The following PCDHGA5 variants were observed in gnomAD, a reference collection of about 807,000 sequenced individuals.
PCDHGA5 encodes protocadherin gamma subfamily A, 5, also known as protocadherin gamma-A5.
In PCDHGA5, 36 loss-of-function variants were observed where a neutral mutation model predicts 56.7. The ratio of observed to expected loss-of-function variants is 0.64; its 90% CI spans 0.49 to 0.84. PCDHGA5 has a LOEUF of 0.84. Among genes scored for constraint, PCDHGA5 ranks in the 40% least tolerant of loss-of-function variants. PCDHGA5 has a pLI of 0.00. For missense variants in PCDHGA5, 1,305 were observed against 1,201.5 expected (o/e 1.09, Z -1.27); for synonymous variants, 563 against 520.2 (o/e 1.08, Z -1.12).
intron 1 of PCDHGA5, chr5:141,429,216 T>A (rs1590916921): frequency 6.8e-6 from 1 of 146,786 alleles, no homozygotes; most frequent in Admixed American, 6.7e-5. Context: ...GTGTGAAAAG[T>A]GGGTATTATG....
At position 141,432,232 on chromosome 5, in the gene PCDHGA5, G is replaced by A. The variant is rs766929605; in HGVS notation, c.2422-62575G>A. Reference sequence around the variant, plus strand: ...AGAACGCCCAGATCACTTATTCCCTGGCTGAGAACACCATCCAAGGGGCAA... The same window carrying A: ...AGAACGCCCAGATCACTTATTCCCTAGCTGAGAACACCATCCAAGGGGCAA... On this transcript the variant is annotated intron_variant, in intron 1 of 3. Coordinates refer to ENST00000518069, the MANE Select transcript of PCDHGA5 (RefSeq NM_018918.3). The surrounding 1 kb of genome is among the most constrained non-coding windows in gnomAD (Gnocchi z 6.0). The A allele has an allele frequency of 6.2e-7, 1 of 1,614,188 alleles. No homozygotes were observed. The highest frequency in any genetic ancestry group is 1.6e-4 in the Middle Eastern group (1 of 6,062).
At chr5:141,392,852 G>A in intron 1 of PCDHGA5, 3 of 1,611,984 alleles carry the variant, frequency 1.9e-6, no homozygotes, top group Non-Finnish European at 2.5e-6. Context: ...GCGGCGAGCT[G>A]ATCCTGCTGT....
intron 1 of PCDHGA5, chr5:141,427,865 G>T: frequency 6.4e-7 from 1 of 1,558,148 alleles, no homozygotes; most frequent in Non-Finnish European, 8.8e-7. Context: ...GCGCCTTCGA[G>T]CTCACGATGC....
At chr5:141,466,515 TTTTCCTCCCAAATTGA>T (rs2099124043) in intron 1 of PCDHGA5, among the ~76,000 whole-genome samples, 1 of 152,232 alleles carries the variant, frequency 6.6e-6, no homozygotes, top group Admixed American at 6.5e-5. Context: ...AGATCATTTT[TTTTCCTCCCAAATTGA>T]TGTAGATGGT....
At chr5:141,434,683 T>A (rs1057301534) in intron 1 of PCDHGA5, among the ~76,000 whole-genome samples, 8 of 152,248 alleles carry the variant, frequency 5.3e-5, no homozygotes, top group Non-Finnish European at 5.9e-5. Flanking sequence ...AATGACTGGC[T>A]TGCTGTTAAT....
intron 2 of PCDHGA5, among the ~76,000 whole-genome samples, chr5:141,499,384 A>G (rs2099791576): frequency 6.6e-6 from 1 of 152,200 alleles, no homozygotes. Context: ...TTTTCCACTT[A>G]TAAAATAGTA....
intron 2 of PCDHGA5, among the ~76,000 whole-genome samples, chr5:141,501,009 C>T (rs2099804715): frequency 2.0e-5 from 3 of 152,040 alleles, no homozygotes; most frequent in Non-Finnish European, 4.4e-5. Context: ...GCTGGGACTA[C>T]AGGCACGCGC....
chr5:141,389,827 G>A lies in PCDHGA5; in HGVS notation c.2421+23076G>A, dbSNP rs754189855. ...CTTCTGGTCGCCGTGCGTGACGGTG[G>A]ACAGCCACCACTCTCGGCCACTGCC... On this transcript the variant is annotated intron_variant, in intron 1 of 3. Transcript: ENST00000518069. The A allele has an allele frequency of 1.4e-5, 22 of 1,613,838 alleles. No individual in the cohort carries two copies. The African/African-American group carries it at 2.7e-4, about 20-fold the overall frequency.
intron 1 of PCDHGA5, chr5:141,413,227 G>A (rs552225139): frequency 1.9e-5 from 30 of 1,613,938 alleles, no homozygotes; most frequent in Non-Finnish European, 2.5e-5. Flanking sequence ...CAGCGGGCTG[G>A]TCCTGCTCTG....
In PCDHGA5 at chr5:141,486,805, C is replaced by A; in HGVS notation, c.2422-8002C>A. On this transcript the variant is annotated intron_variant, in intron 1 of 3. Transcript: ENST00000518069. The surrounding 1 kb of genome is among the most constrained non-coding windows in gnomAD (Gnocchi z 5.0). ...AGGCCCGGGATCGGGGCAACCCACC[C>A]CTTAGCAGCACTGTAACAGTTCGTC... 1.2e-6 allele frequency: 2 copies of A among 1,614,242 alleles called. No homozygotes were observed. Among genetic ancestry groups the A allele is most frequent in the Admixed American group, 1.7e-5 (1 of 60,034 alleles).
Position 141,490,809 on chromosome 5 carries a change from C to T in PCDHGA5, c.2422-3998C>T. On this transcript the variant is annotated intron_variant, in intron 1 of 3. Transcript: ENST00000518069. The surrounding 1 kb of genome is among the most constrained non-coding windows in gnomAD (Gnocchi z 5.4). Reference sequence around the variant, plus strand: ...GGATCTTTGCCCAGCGTACCTTTGACTATGAATTGCTGCAGATGCTGCAGA... The same window carrying T: ...GGATCTTTGCCCAGCGTACCTTTGATTATGAATTGCTGCAGATGCTGCAGA... 2 of 1,613,954 alleles carry T rather than the reference C, an allele frequency of 1.2e-6. No individual in the cohort carries two copies. Among genetic ancestry groups the T allele is most frequent in the South Asian group, 2.2e-5 (2 of 91,076 alleles).
At chr5:141,423,001 G>A in intron 1 of PCDHGA5, 2 of 1,614,230 alleles carry the variant, frequency 1.2e-6, no homozygotes, top group Non-Finnish European at 1.7e-6. Flanking sequence ...GGTGACCAAG[G>A]TGGTTGCGGT....
At position 141,473,628 on chromosome 5, in the gene PCDHGA5, A is replaced by T. The variant is rs533175704; in HGVS notation, c.2422-21179A>T. The stretch of plus-strand genomic sequence containing the variant: ...AAAGCAAAGGGAGGGAGGAAAAAGC[A>T]GCTTTCCTGGCAAAGGAACAATTTG... On this transcript the variant is annotated intron_variant, in intron 1 of 3. Transcript: ENST00000518069. 4.6e-5 allele frequency among the ~76,000 whole-genome samples: 7 copies of T among 152,334 alleles called. No individual in the cohort carries two copies. In the South Asian group the frequency reaches 1.4e-3, roughly 32 times the overall value.
At position 141,460,518 on chromosome 5, in the gene PCDHGA5, C is replaced by T. The variant is rs190277142; in HGVS notation, c.2422-34289C>T. ...AAATATGCTGAGAAGGCTATCTTTT[C>T]CCCACCAAATAATCTTAGCACCTTA... On this transcript the variant is annotated intron_variant, in intron 1 of 3. Coordinates refer to ENST00000518069, the MANE Select transcript of PCDHGA5 (RefSeq NM_018918.3). Among the ~76,000 whole-genome samples, 53 of 152,196 alleles carry T rather than the reference C, an allele frequency of 3.5e-4. 1 individual carries two copies. Among genetic ancestry groups the T allele is most frequent in the African/African-American group, 1.2e-3 (50 of 41,522 alleles).
rs769249726 is a variant in PCDHGA5 at position 141,490,832 on chromosome 5, A to C, written c.2422-3975A>C. On this transcript the variant is annotated intron_variant, in intron 1 of 3. Transcript: ENST00000518069. This position sits in a 1 kb window ranked among gnomAD's most constrained non-coding sequence, Gnocchi z 5.4. Reference sequence around the variant, plus strand: ...GACTATGAATTGCTGCAGATGCTGCAGATTGTGGTGGGGGTTCGAGACTCC... The same window carrying C: ...GACTATGAATTGCTGCAGATGCTGCCGATTGTGGTGGGGGTTCGAGACTCC... 1.5e-5 allele frequency: 25 copies of C among 1,613,796 alleles called. No individual in the cohort carries two copies. In the South Asian group the frequency reaches 2.6e-4, roughly 17 times the overall value.
At chr5:141,381,820 C>CT (rs1279410534) in intron 1 of PCDHGA5, among the ~76,000 whole-genome samples, 1,304 of 119,684 alleles carry the variant, frequency 0.011, 14 homozygotes, top group African/African-American at 0.028. Context: ...TTCTTTCTTT[C>CT]TTCTTCTTTT....
At chr5:141,415,640 T>C in intron 1 of PCDHGA5, 1 of 1,594,726 alleles carries the variant, frequency 6.3e-7, no homozygotes, top group Non-Finnish European at 8.5e-7. Context: ...TTTACTTTTG[T>C]TAAAAAAAAA....
chr5:141,478,461 T>C, intron 1 of PCDHGA5: 1 of 1,613,254 alleles, frequency 6.2e-7, no homozygotes, highest in East Asian at 2.2e-5. Flanking sequence ...GCCAGTCCAC[T>C]GGCCAGCCGC....
intron 2 of PCDHGA5, among the ~76,000 whole-genome samples, chr5:141,501,109 C>T (rs909874167): frequency 2.0e-5 from 3 of 152,106 alleles, no homozygotes; most frequent in South Asian, 2.1e-4. Context: ...CCTCGTGATC[C>T]GCCTGCCTCA....
Sources: allele counts gnomAD v4.1 joint callset (sites outside exome capture counted in the v4.1 genomes callset), GRCh38; gene constraint gnomAD v4.1.1; non-coding constraint Gnocchi (gnomAD v3.1); transcripts MANE v1.5; gene names NCBI Gene and HGNC (gene_info 2026-07-23, HGNC 2026-07-21).